Variants in SND1 observed in about 807,000 individuals in gnomAD.
The protein encoded by SND1 is staphylococcal nuclease and tudor domain containing 1, also known as staphylococcal nuclease domain-containing protein 1.
In SND1, 38 loss-of-function variants were observed where a neutral mutation model predicts 121.7. The observed-to-expected ratio is 0.31, with a 90% confidence interval of 0.24 to 0.41. SND1 has a LOEUF of 0.41. Ranked by LOEUF, SND1 falls within the 10% of genes least tolerant of loss-of-function variation. The pLI, the probability that SND1 is intolerant of heterozygous loss-of-function variation, is 1.00. For synonymous variants in SND1, 401 were observed against 447.4 expected (o/e 0.90, Z 1.31); for missense variants, 868 against 1,184.6 (o/e 0.73, Z 3.92).
At chr7:127,796,470 T>C (rs1798028753) in intron 10 of SND1, among the ~76,000 whole-genome samples, 1 of 152,194 alleles carries the variant, frequency 6.6e-6, no homozygotes, top group Non-Finnish European at 1.5e-5. Flanking sequence ...TGCTGGGCAC[T>C]TTCTAGGTAC....
chr7:127,915,025 A>T (rs1426588538), intron 14 of SND1, among the ~76,000 whole-genome samples: 1 of 151,220 alleles, frequency 6.6e-6, no homozygotes, highest in African/African-American at 2.4e-5. Flanking sequence ...GGTGTTCATT[A>T]TTTTTTTTTG....
chr7:127,822,331 C>T (rs1195020468), intron 11 of SND1, among the ~76,000 whole-genome samples: 1 of 152,158 alleles, frequency 6.6e-6, no homozygotes, highest in African/African-American at 2.4e-5. Context: ...ATTCTATGTG[C>T]TTACAAGTAG....
At chr7:127,732,502 A>G (rs919074383) in intron 10 of SND1, among the ~76,000 whole-genome samples, 1 of 152,230 alleles carries the variant, frequency 6.6e-6, no homozygotes, top group Non-Finnish European at 1.5e-5. Context: ...TGGATGCTGC[A>G]TGAGCCTGCA....
intron 9 of SND1, among the ~76,000 whole-genome samples, chr7:127,713,709 G>T (rs556701639): frequency 2.6e-4 from 40 of 152,374 alleles, no homozygotes; most frequent in African/African-American, 9.6e-4. Context: ...AGAGTGCCAA[G>T]AGGCTTATTA....
intron 10 of SND1, among the ~76,000 whole-genome samples, chr7:127,796,996 G>A (rs1028389041): frequency 1.4e-5 from 2 of 147,874 alleles, no homozygotes; most frequent in African/African-American, 2.5e-5. Context: ...GGGTTCAAGC[G>A]ATTCTCCTAT....
At chr7:128,079,667 G>A (rs958236395) in intron 17 of SND1, among the ~76,000 whole-genome samples, 2 of 152,266 alleles carry the variant, frequency 1.3e-5, no homozygotes, top group Non-Finnish European at 2.9e-5. Flanking sequence ...GTTAAAGGCA[G>A]AAGTGTGGGG....
At chr7:128,002,974 A>G (rs192844424) in intron 16 of SND1, among the ~76,000 whole-genome samples, 171 of 152,330 alleles carry the variant, frequency 1.1e-3, no homozygotes, top group South Asian at 3.3e-3. Context: ...TGTAATTCCA[A>G]CACTTTGGAG....
At chr7:127,967,742 C>T (rs1265504257) in intron 15 of SND1, among the ~76,000 whole-genome samples, 1 of 152,140 alleles carries the variant, frequency 6.6e-6, no homozygotes, top group African/African-American at 2.4e-5. Flanking sequence ...TGTGCATTTG[C>T]CAGGAAACTA....
At chr7:127,807,863 T>TA (rs1488865803) in intron 11 of SND1, among the ~76,000 whole-genome samples, 7 of 152,198 alleles carry the variant, frequency 4.6e-5, no homozygotes, top group Non-Finnish European at 1.0e-4. Flanking sequence ...TCCATTCAGT[T>TA]GGCTCTCTTG....
At chr7:127,786,353 A>G (rs944111499) in intron 10 of SND1, among the ~76,000 whole-genome samples, 2 of 152,216 alleles carry the variant, frequency 1.3e-5, no homozygotes, top group Admixed American at 6.5e-5. Flanking sequence ...TAAGTAAAGA[A>G]GTCATCTGGA....
rs1793664915 is a variant in SND1, at chr7:128,085,006, T to C, written c.2234+159T>C. ...GTCCCTCTTCATTGCCCACAGCCCA[T>C]CTGGGGCCTTGCTCTGGCCTGTGCA... On this transcript the variant is annotated intron_variant, in intron 19 of 23. Coordinates refer to ENST00000354725, the MANE Select transcript of SND1 (RefSeq NM_014390.4). This position sits in a 1 kb window ranked among gnomAD's most constrained non-coding sequence, Gnocchi z 4.4. Among the ~76,000 whole-genome samples, 2 of 152,170 alleles carry C rather than the reference T, an allele frequency of 1.3e-5. No homozygotes were observed. The highest frequency in any genetic ancestry group is 4.8e-5 in the African/African-American group (2 of 41,458).
intron 2 of SND1, among the ~76,000 whole-genome samples, chr7:127,690,753 G>GCA (rs1451512108): frequency 2.6e-5 from 4 of 152,190 alleles, no homozygotes; most frequent in Non-Finnish European, 5.9e-5. Context: ...GTGCAATGTG[G>GCA]CACTACGCTT....
At position 127,703,366 on chromosome 7, in the gene SND1, G is replaced by A. The variant is rs745508899; in HGVS notation, c.840+43G>A. The A allele has an allele frequency of 3.7e-6, 6 of 1,600,508 alleles. No individual in the cohort carries two copies. The South Asian group carries it at 5.5e-5, about 15-fold the overall frequency. On this transcript the variant is annotated intron_variant, in intron 7 of 23. Transcript: ENST00000354725. ...GACTGGGTGGTGATGGGCTAGGGAT[G>A]CATTTGGGGTTTGAAGAATAGGGGT...
At chr7:127,937,820 A>G (rs1298461910) in intron 15 of SND1, among the ~76,000 whole-genome samples, 1 of 152,232 alleles carries the variant, frequency 6.6e-6, no homozygotes, top group Non-Finnish European at 1.5e-5. Context: ...ATCCCCATTG[A>G]TTACCAGTGC....
chr7:127,886,811 T>C lies in SND1; in HGVS notation c.1344-1091T>C, dbSNP rs565795575. ...TAGATGCAGGCCACATAGAGTGGCA[T>C]CTCTCATTCCCAAGTGTGAGCAATT... On this transcript the variant is annotated intron_variant, in intron 12 of 23. Coordinates refer to ENST00000354725, the MANE Select transcript of SND1 (RefSeq NM_014390.4). Among the ~76,000 whole-genome samples, 5 of 144,278 alleles carry C rather than the reference T, an allele frequency of 3.5e-5. No individual in the cohort carries two copies. In the South Asian group the frequency reaches 1.1e-3, roughly 32 times the overall value. 94.7% of individuals were successfully genotyped at this position (144,278 alleles called of 152,430 possible). A position where few individuals can be genotyped will look rare whatever the true frequency, so the allele number is the denominator to read the frequency against.
At chr7:128,017,293 C>T (rs536427272) in intron 16 of SND1, among the ~76,000 whole-genome samples, 1 of 152,178 alleles carries the variant, frequency 6.6e-6, no homozygotes, top group African/African-American at 2.4e-5. Context: ...TGGGGACTTA[C>T]AGAGGGCTAT....
intron 14 of SND1, among the ~76,000 whole-genome samples, chr7:127,911,403 C>T (rs935056081): frequency 1.3e-5 from 2 of 152,106 alleles, no homozygotes; most frequent in Non-Finnish European, 2.9e-5. Flanking sequence ...GAGATGGGGT[C>T]TCACTTTGTT....
chr7:127,700,920 T>C (rs1485728252), intron 4 of SND1, among the ~76,000 whole-genome samples: 3 of 152,208 alleles, frequency 2.0e-5, no homozygotes, highest in African/African-American at 7.2e-5. Flanking sequence ...AGATGTGTGT[T>C]CTTTAGATCG....
At chr7:127,859,123 TGGG>T (rs200044497) in intron 12 of SND1, among the ~76,000 whole-genome samples, 2 of 152,082 alleles carry the variant, frequency 1.3e-5, no homozygotes, top group African/African-American at 4.8e-5. Context: ...TGTGTTTGCA[TGGG>T]GGGGTGGTTT....
Sources: gnomAD v4.1 joint callset for allele counts (sites outside exome capture counted in the v4.1 genomes callset) on GRCh38, gnomAD v4.1.1 for gene constraint, Gnocchi (gnomAD v3.1) non-coding constraint, MANE v1.5 for transcripts, NCBI Gene and HGNC (gene_info 2026-07-23, HGNC 2026-07-21) for gene names.